ST18: variants seen among roughly 807,000 people sequenced by gnomAD.
The protein encoded by ST18 is ST18 C2H2C-type zinc finger transcription factor.
Under a neutral mutation model 110.0 loss-of-function variants are expected in ST18, and 50 were observed. That is an observed-to-expected ratio of 0.45 (90% CI 0.36 to 0.58). The LOEUF (loss-of-function observed/expected upper bound fraction) is 0.58, where lower values mean the gene tolerates loss of function less well. Ranked by LOEUF, ST18 falls within the 20% of genes least tolerant of loss-of-function variation. ST18 has a pLI of 0.00. For missense variants in ST18, 1,306 were observed against 1,280.1 expected, an observed-to-expected ratio of 1.02 and a Z score of -0.31; for synonymous variants, 461 against 452.4, an observed-to-expected ratio of 1.02 and a Z score of -0.24.
At chr8:52,231,729 C>T (rs1359944364) in intron 2 of ST18, among the ~76,000 whole-genome samples, 1 of 152,210 alleles carries the variant, frequency 6.6e-6, no homozygotes, top group Non-Finnish European at 1.5e-5. Context: ...CCAGCCGCGG[C>T]CTCCCAAGGT....
At chr8:52,315,933 A>C (rs2096016840) in intron 2 of ST18, among the ~76,000 whole-genome samples, 1 of 152,234 alleles carries the variant, frequency 6.6e-6, no homozygotes, top group Non-Finnish European at 1.5e-5. Flanking sequence ...AACGTTTGAC[A>C]TTACCCTGAA....
At chr8:52,247,576 T>C (rs1011572973) in intron 2 of ST18, among the ~76,000 whole-genome samples, 11 of 152,326 alleles carry the variant, frequency 7.2e-5, no homozygotes, top group African/African-American at 2.4e-4. Context: ...CATTCATTCT[T>C]GTATTAACAG....
chr8:52,196,497 C>T (rs541535203), intron 8 of ST18, among the ~76,000 whole-genome samples: 1 of 152,130 alleles, frequency 6.6e-6, no homozygotes, highest in East Asian at 1.9e-4. Flanking sequence ...ACTGTAGTCC[C>T]CCCTTGTCCG....
In ST18 at chr8:52,294,117, A is replaced by G. The variant is rs994024028; in HGVS notation, c.-464-64040T>C. On this transcript the variant is annotated intron_variant, in intron 2 of 25. Coordinates refer to ENST00000689386, the MANE Select transcript of ST18 (RefSeq NM_001352837.2). ...TTAGGTGAATTTCAGTGCAGTGCTAATGGGGCTCCAGCCTAACCAGAGCTT... is the reference window on the plus strand; with the variant it reads ...TTAGGTGAATTTCAGTGCAGTGCTAGTGGGGCTCCAGCCTAACCAGAGCTT... 6.6e-5 allele frequency among the ~76,000 whole-genome samples: 10 copies of G among 152,350 alleles called. No individual in the cohort carries two copies. The East Asian group carries it at 1.9e-3, about 29-fold the overall frequency.
At chr8:52,300,713 C>T (rs1222087266) in intron 2 of ST18, among the ~76,000 whole-genome samples, 1 of 152,168 alleles carries the variant, frequency 6.6e-6, no homozygotes, top group Non-Finnish European at 1.5e-5. Context: ...CCCAGCCATA[C>T]TCATTCATTT....
chr8:52,126,218 T>A (rs543611439), intron 22 of ST18, 78 bp from the exon 23 acceptor site: 1 of 1,414,962 alleles, frequency 7.1e-7, no homozygotes, highest in South Asian at 1.3e-5. Context: ...ATTCACAACC[T>A]ACTATTTGTG....
At chr8:52,260,419 CTTAT>C (rs1166632909) in intron 2 of ST18, among the ~76,000 whole-genome samples, 3 of 148,374 alleles carry the variant, frequency 2.0e-5, no homozygotes, top group African/African-American at 7.9e-5. Flanking sequence ...CTGTCTTGTT[CTTAT>C]TTATCATGTG....
chr8:52,113,448 G>T, intron 25 of ST18, 110 bp from the exon 26 acceptor site: 1 of 1,269,036 alleles, frequency 7.9e-7, no homozygotes, highest in Non-Finnish European at 1.1e-6. Context: ...GGGAAGGCAA[G>T]GGTGCATATG....
At chr8:52,130,327 T>C (rs569474209) in intron 22 of ST18, among the ~76,000 whole-genome samples, 2 of 152,330 alleles carry the variant, frequency 1.3e-5, no homozygotes, top group South Asian at 4.1e-4. Flanking sequence ...GGTCTTGTTC[T>C]GTCACCAGGC....
intron 22 of ST18, 77 bp from the exon 23 acceptor site, chr8:52,126,217 C>T (rs2047005075): frequency 8.5e-6 from 12 of 1,418,480 alleles, no homozygotes; most frequent in East Asian, 4.9e-5. Flanking sequence ...TATTCACAAC[C>T]TACTATTTGT....
intron 2 of ST18, among the ~76,000 whole-genome samples, chr8:52,379,441 C>G (rs1415375979): frequency 6.6e-6 from 1 of 152,024 alleles, no homozygotes; most frequent in Admixed American, 6.6e-5. Flanking sequence ...TTATAGGTAA[C>G]TATTTCCTAT....
At chr8:52,336,308 C>T (rs1812033262) in intron 2 of ST18, among the ~76,000 whole-genome samples, 1 of 152,046 alleles carries the variant, frequency 6.6e-6, no homozygotes, top group Admixed American at 6.5e-5. Context: ...CACCACCACA[C>T]TCAGCTAATT....
intron 8 of ST18, among the ~76,000 whole-genome samples, chr8:52,193,508 A>G (rs761443582): frequency 5.3e-5 from 8 of 152,246 alleles, no homozygotes; most frequent in Non-Finnish European, 1.2e-4. Flanking sequence ...TAAGCCTTCC[A>G]TAGAACCTGC....
At chr8:52,200,402 T>C (rs1039486735) in intron 8 of ST18, among the ~76,000 whole-genome samples, 14 of 152,160 alleles carry the variant, frequency 9.2e-5, no homozygotes, top group African/African-American at 3.4e-4. Flanking sequence ...CTCGCAGCTG[T>C]GCGGGGAACA....
intron 2 of ST18, among the ~76,000 whole-genome samples, chr8:52,380,017 G>C (rs1382933635): frequency 6.6e-6 from 1 of 152,112 alleles, no homozygotes; most frequent in African/African-American, 2.4e-5. Context: ...CATAGTTTTT[G>C]AATGTTTTTC....
chr8:52,283,839 C>T (rs1322277958), intron 2 of ST18, among the ~76,000 whole-genome samples: 4 of 152,198 alleles, frequency 2.6e-5, no homozygotes, highest in East Asian at 1.9e-4. Flanking sequence ...GGTAAAATTT[C>T]GTCAACTGAG....
intron 25 of ST18, among the ~76,000 whole-genome samples, chr8:52,115,779 C>A (rs1044787481): frequency 6.6e-6 from 1 of 152,054 alleles, no homozygotes; most frequent in Admixed American, 6.6e-5. Context: ...AATGAGGATT[C>A]CTTGTTCATT....
intron 6 of ST18, among the ~76,000 whole-genome samples, chr8:52,214,879 T>C (rs1451382128): frequency 2.6e-5 from 4 of 152,206 alleles, no homozygotes; most frequent in Non-Finnish European, 4.4e-5. Context: ...CAGTGTCAAA[T>C]TCTCCAAAAC....
At chr8:52,399,111 T>C (rs1842092509) in intron 2 of ST18, among the ~76,000 whole-genome samples, 2 of 152,080 alleles carry the variant, frequency 1.3e-5, no homozygotes, top group Non-Finnish European at 2.9e-5. Context: ...CTTTATTCTC[T>C]TGATTTGTTA....
Sources: allele counts gnomAD v4.1 joint callset (sites outside exome capture counted in the v4.1 genomes callset), GRCh38; gene constraint gnomAD v4.1.1; transcripts MANE v1.5; gene names NCBI Gene and HGNC (gene_info 2026-07-23, HGNC 2026-07-21).